ADGRD1: variants seen among roughly 807,000 people sequenced by gnomAD.
The protein encoded by ADGRD1 is G-protein coupled receptor 133.
In ADGRD1, 77 loss-of-function variants were observed where a neutral mutation model predicts 113.4. The ratio of observed to expected loss-of-function variants is 0.68; its 90% confidence interval spans 0.57 to 0.82. The LOEUF (loss-of-function observed/expected upper bound fraction) is 0.82. ADGRD1 is among the 40% of genes least tolerant of loss of function. The pLI is 0.00. For synonymous variants in ADGRD1, 474 were observed against 475.0 expected (o/e 1.00, Z 0.03); for missense variants, 1,036 against 1,139.1 (o/e 0.91, Z 1.30).
At chr12:131,000,518 G>A in intron 9 of ADGRD1, 76 bp downstream of exon 9, 1 of 1,128,752 alleles carries the variant, frequency 8.9e-7, no homozygotes, top group East Asian at 2.5e-5. Context: ...AAGGCGGGTG[G>A]ATCACTTGAG....
intron 19 of ADGRD1, 42 bp downstream of exon 19, chr12:131,118,493 G>C: frequency 6.8e-7 from 1 of 1,470,156 alleles, no homozygotes; most frequent in Non-Finnish European, 9.4e-7. Context: ...GGCGTTCCAT[G>C]GAACAGCTTG....
chr12:131,099,963 G>A (rs937128560), intron 15 of ADGRD1, among the ~76,000 whole-genome samples: 6 of 152,150 alleles, frequency 3.9e-5, no homozygotes, highest in African/African-American at 1.4e-4. Flanking sequence ...TGGTGGGGTT[G>A]GTTGATGGTG....
intron 23 of ADGRD1, 161 bp from the exon 24 acceptor site, chr12:131,137,976 C>T (rs985166938): frequency 3.4e-5 from 22 of 643,156 alleles, no homozygotes; most frequent in African/African-American, 5.4e-5. Flanking sequence ...CACAGAGCAG[C>T]GATGCACAGC....
chr12:131,049,852 C>T (rs1423436639), intron 13 of ADGRD1, among the ~76,000 whole-genome samples: 1 of 152,164 alleles, frequency 6.6e-6, no homozygotes, highest in Non-Finnish European at 1.5e-5. Flanking sequence ...CCGTGGGGGA[C>T]TCGGAGCCAC....
chr12:130,962,888 G>A (rs1870525300), intron 2 of ADGRD1: 1 of 152,148 alleles, frequency 6.6e-6, no homozygotes. Context: ...TGTGGATGTT[G>A]GGCGCCCTGT....
chr12:131,087,711 C>T (rs1268739515), intron 15 of ADGRD1, among the ~76,000 whole-genome samples: 5 of 95,512 alleles, frequency 5.2e-5, no homozygotes, highest in Admixed American at 4.1e-4. Flanking sequence ...AGCGACTGCC[C>T]CTTCCCAGTC....
intron 13 of ADGRD1, among the ~76,000 whole-genome samples, chr12:131,059,472 C>T (rs1282076129): frequency 1.3e-5 from 2 of 152,184 alleles, no homozygotes; most frequent in Non-Finnish European, 2.9e-5. Flanking sequence ...TTAGCCACCA[C>T]GCCCAGCCCA....
intron 15 of ADGRD1, among the ~76,000 whole-genome samples, chr12:131,092,364 G>A (rs1464319319): frequency 6.6e-6 from 1 of 152,180 alleles, no homozygotes; most frequent in Non-Finnish European, 1.5e-5. Context: ...TACTCCTGGC[G>A]CTTGTGTTCC....
intron 13 of ADGRD1, among the ~76,000 whole-genome samples, chr12:131,018,919 G>T (rs564000677): frequency 6.6e-6 from 1 of 152,296 alleles, no homozygotes; most frequent in East Asian, 1.9e-4. Context: ...GGTCCTGCAG[G>T]TGGGGGCAGG....
intron 15 of ADGRD1, among the ~76,000 whole-genome samples, chr12:131,087,257 C>T (rs34623137): frequency 0.14 from 20,861 of 152,224 alleles, 1,487 homozygotes; most frequent in Middle Eastern, 0.19. Context: ...CTTTGTGGCC[C>T]AGGCTCTGAG....
intron 12 of ADGRD1, among the ~76,000 whole-genome samples, chr12:131,009,636 G>A (rs1877612980): frequency 6.6e-6 from 1 of 152,234 alleles, no homozygotes; most frequent in Admixed American, 6.5e-5. Flanking sequence ...GTGCATGTGT[G>A]CGTGTATTTG....
intron 8 of ADGRD1, among the ~76,000 whole-genome samples, chr12:130,993,372 TTTCATTCA>T (rs55716628): frequency 8.5e-4 from 120 of 141,138 alleles, no homozygotes; most frequent in South Asian, 1.7e-3. Context: ...ACTTCTCAGA[TTTCATTCA>T]TTCATTCATT....
chr12:130,990,562 G>C (rs540694287), intron 6 of ADGRD1: 1 of 154,350 alleles, frequency 6.5e-6, no homozygotes, highest in Admixed American at 6.5e-5. Context: ...TTTCTCCACT[G>C]CTTTACTGGG....
At chr12:131,130,765 C>T (rs1950899260) in intron 20 of ADGRD1, among the ~76,000 whole-genome samples, 1 of 149,730 alleles carries the variant, frequency 6.7e-6, no homozygotes, top group African/African-American at 2.5e-5. Context: ...GGGGGGAGAG[C>T]GAAGCTGGCC....
chr12:130,986,967 A>G, intron 5 of ADGRD1, 128 bp from the exon 6 acceptor site: 6 of 733,412 alleles, frequency 8.2e-6, no homozygotes, highest in Non-Finnish European at 1.4e-5. Context: ...ACCTTGTATT[A>G]GGACGCACCA....
chr12:131,085,844 C>G lies in ADGRD1; in HGVS notation c.1671+1181C>G, dbSNP rs533232022. Among the ~76,000 whole-genome samples, 6 of 152,272 alleles carry G rather than the reference C, an allele frequency of 3.9e-5. No homozygotes were observed. In the South Asian group the frequency reaches 1.0e-3, roughly 26 times the overall value. ...GTCAGGCAGGGAAGCAGTGACGCCT[C>G]CAGCGTCTCCCGGACAGATTTGTCA... On this transcript the variant is annotated intron_variant, in intron 15 of 24. Coordinates refer to ENST00000261654, the MANE Select transcript of ADGRD1 (RefSeq NM_198827.5).
At chr12:130,969,267 C>T (rs1296368939) in intron 3 of ADGRD1, 7 of 558,926 alleles carry the variant, frequency 1.3e-5, no homozygotes, top group South Asian at 2.1e-5. Flanking sequence ...GATTGCAATA[C>T]ATTAGAACAG....
chr12:130,966,653 G>A lies in ADGRD1; in HGVS notation c.187+107G>A, dbSNP rs1871032901. On this transcript the variant is annotated intron_variant, in intron 3 of 24. Transcript: ENST00000261654. The surrounding 1 kb of genome is among the most constrained non-coding windows in gnomAD (Gnocchi z 4.6). ...CCTTGAAATCCCAGGGCCATTGGGGGACGTGGGTGCTGAGAGTGACTGTGG... is the reference window on the plus strand; with the variant it reads ...CCTTGAAATCCCAGGGCCATTGGGGAACGTGGGTGCTGAGAGTGACTGTGG... 4.0e-6 allele frequency: 3 copies of A among 750,826 alleles called. No homozygotes were observed. Among genetic ancestry groups the A allele is most frequent in the Admixed American group, 1.9e-5 (1 of 52,066 alleles). The allele number at this position is 750,826 out of a possible 1,614,324, so 46.5% of individuals were successfully genotyped here. A position where few individuals can be genotyped will look rare whatever the true frequency, so the allele number is the denominator to read the frequency against.
At chr12:131,111,097 CT>C (rs34797050) in intron 18 of ADGRD1, among the ~76,000 whole-genome samples, 14 of 147,466 alleles carry the variant, frequency 9.5e-5, no homozygotes, top group South Asian at 6.5e-4. Flanking sequence ...ATTGTGTTTA[CT>C]TTTTTTTTTT....
Sources: allele counts gnomAD v4.1 joint callset (sites outside exome capture counted in the v4.1 genomes callset), GRCh38; gene constraint gnomAD v4.1.1; non-coding constraint Gnocchi (gnomAD v3.1); transcripts MANE v1.5; gene names NCBI Gene and HGNC (gene_info 2026-07-23, HGNC 2026-07-21).